CSMD3: variants seen among roughly 807,000 people sequenced by gnomAD.
CSMD3 encodes CUB and sushi domain-containing protein 3.
Under a neutral mutation model 435.2 loss-of-function variants are expected in CSMD3, and 177 were observed. That is an observed-to-expected ratio of 0.41 (90% CI 0.36 to 0.46). The LOEUF is 0.46. Ranked by LOEUF, CSMD3 falls within the 20% of genes least tolerant of loss-of-function variation. CSMD3 has a pLI of 0.34. For synonymous variants in CSMD3, 1,656 were observed against 1,520.5 expected, an observed-to-expected ratio of 1.09 and a Z score of -2.07; for missense variants, 4,265 against 4,504.6, an observed-to-expected ratio of 0.95 and a Z score of 1.52.
intron 5 of CSMD3, among the ~76,000 whole-genome samples, chr8:113,054,200 C>T (rs538794359): frequency 6.6e-6 from 1 of 152,238 alleles, no homozygotes; most frequent in South Asian, 2.1e-4. Context: ...TCTCTTTTCC[C>T]ATTTTCCTTC....
chr8:112,990,499 G>A (rs546917061), intron 6 of CSMD3, among the ~76,000 whole-genome samples: 73 of 151,858 alleles, frequency 4.8e-4, no homozygotes, highest in Admixed American at 1.1e-3. Flanking sequence ...GGTCTTGGGG[G>A]TCAAATTAAT....
intron 3 of CSMD3, among the ~76,000 whole-genome samples, chr8:113,210,785 G>A (rs1355141851): frequency 6.6e-6 from 1 of 151,886 alleles, no homozygotes; most frequent in East Asian, 1.9e-4. Flanking sequence ...GCTGAGGCAG[G>A]AGAATCACTT....
At chr8:112,392,596 G>GAA (rs997518011) in intron 35 of CSMD3, among the ~76,000 whole-genome samples, 4 of 146,486 alleles carry the variant, frequency 2.7e-5, no homozygotes, top group African/African-American at 1.0e-4. Flanking sequence ...TCCTGCTGAT[G>GAA]AAAAAAAAAT....
Position 112,625,066 on chromosome 8 carries a change from A to C in CSMD3, c.3715+11751T>G, listed in dbSNP as rs28439553. 3.0e-3 allele frequency among the ~76,000 whole-genome samples: 464 copies of C among 152,210 alleles called. 4 individuals are homozygous for C. The highest frequency in any genetic ancestry group is 9.7e-3 in the African/African-American group (405 of 41,576). ...AAAAAAAAGAAAAGAAAACATAGTA[A>C]AGTCAGTGATGATATCCTTGAAATT... On this transcript the variant is annotated intron_variant, in intron 22 of 70. Transcript: ENST00000297405.
At chr8:112,292,918 A>C (rs1819915936) in intron 54 of CSMD3, among the ~76,000 whole-genome samples, 1 of 152,162 alleles carries the variant, frequency 6.6e-6, no homozygotes, top group African/African-American at 2.4e-5. Flanking sequence ...TTATATTAGT[A>C]AATAGAAAAT....
intron 13 of CSMD3, among the ~76,000 whole-genome samples, chr8:112,759,317 G>A (rs918129139): frequency 6.6e-6 from 1 of 152,010 alleles, no homozygotes; most frequent in Admixed American, 6.6e-5. Context: ...CTGTACTATA[G>A]AAGAGTTAGT....
At chr8:113,002,687 C>T (rs1414505733) in intron 6 of CSMD3, among the ~76,000 whole-genome samples, 1 of 152,040 alleles carries the variant, frequency 6.6e-6, no homozygotes, top group African/African-American at 2.4e-5. Flanking sequence ...CTTAATGTGA[C>T]TAGGTTATAA....
intron 1 of CSMD3, among the ~76,000 whole-genome samples, chr8:113,394,864 T>G (rs1244798319): frequency 1.3e-5 from 2 of 152,184 alleles, no homozygotes; most frequent in African/African-American, 2.4e-5. Flanking sequence ...GGAAGGATTT[T>G]GGGGAGGTTT....
chr8:113,239,266 G>T (rs1360833037), intron 3 of CSMD3, among the ~76,000 whole-genome samples: 1 of 151,968 alleles, frequency 6.6e-6, no homozygotes, highest in Non-Finnish European at 1.5e-5. Flanking sequence ...GGATTTGTTA[G>T]CCTCCATAAT....
At chr8:112,639,464 T>A (rs117058425) in intron 20 of CSMD3, among the ~76,000 whole-genome samples, 3 of 152,160 alleles carry the variant, frequency 2.0e-5, no homozygotes, top group Non-Finnish European at 4.4e-5. Flanking sequence ...AAAAAATGTA[T>A]ATATAAGTGT....
At chr8:113,341,001 T>G (rs2094115045) in intron 1 of CSMD3, among the ~76,000 whole-genome samples, 1 of 152,288 alleles carries the variant, frequency 6.6e-6, no homozygotes, top group South Asian at 2.1e-4. Context: ...CCTCTTAGGA[T>G]CCTCTTCAAC....
intron 4 of CSMD3, among the ~76,000 whole-genome samples, chr8:113,109,598 C>T (rs778644946): frequency 7.9e-5 from 12 of 152,168 alleles, no homozygotes; most frequent in Non-Finnish European, 1.6e-4. Context: ...GTTTACCCTC[C>T]AGGGACTGAG....
intron 6 of CSMD3, among the ~76,000 whole-genome samples, chr8:112,992,711 A>G (rs1317632649): frequency 6.6e-6 from 1 of 151,854 alleles, no homozygotes; most frequent in Non-Finnish European, 1.5e-5. Flanking sequence ...ATTTATTCTA[A>G]GTCAGCAATG....
At chr8:112,598,555 C>A (rs895256139) in intron 22 of CSMD3, among the ~76,000 whole-genome samples, 1 of 150,644 alleles carries the variant, frequency 6.6e-6, no homozygotes. Context: ...GAGCCCACAT[C>A]GCCAAGGCAA....
intron 5 of CSMD3, among the ~76,000 whole-genome samples, chr8:113,057,953 G>C (rs767026191): frequency 1.3e-5 from 2 of 151,628 alleles, no homozygotes; most frequent in Non-Finnish European, 3.0e-5. Context: ...TAGAAATTAT[G>C]CAAACATTTT....
chr8:112,521,926 AAT>A lies in CSMD3; in HGVS notation c.4565-4703_4565-4702del, dbSNP rs368570095. ...TAATTTATTATAATAACCATATAAAAATATGTTTTAGAAATTGTTCAAAATAG... is the reference window on the plus strand; with the variant it reads ...TAATTTATTATAATAACCATATAAAAATGTTTTAGAAATTGTTCAAAATAG... On this transcript the variant is annotated intron_variant, in intron 27 of 70. Coordinates refer to ENST00000297405, the MANE Select transcript of CSMD3 (RefSeq NM_198123.2). Among the ~76,000 whole-genome samples the A allele has an allele frequency of 3.2e-3, 486 of 151,972 alleles. 2 individuals are homozygous for A. The highest frequency in any genetic ancestry group is 0.017 in the Middle Eastern group (5 of 294).
intron 3 of CSMD3, among the ~76,000 whole-genome samples, chr8:113,178,083 A>T (rs1223648542): frequency 6.6e-6 from 1 of 151,972 alleles, no homozygotes; most frequent in Non-Finnish European, 1.5e-5. Context: ...TATGATATGT[A>T]CTAGTTAATA....
At chr8:113,347,747 A>G (rs2132887000) in intron 1 of CSMD3, among the ~76,000 whole-genome samples, 1 of 152,282 alleles carries the variant, frequency 6.6e-6, no homozygotes, top group Middle Eastern at 3.4e-3. Flanking sequence ...GCAAGAAGAT[A>G]TATTTGAGAC....
intron 30 of CSMD3, among the ~76,000 whole-genome samples, chr8:112,499,859 C>T (rs908088196): frequency 3.9e-5 from 6 of 151,970 alleles, no homozygotes; most frequent in African/African-American, 1.5e-4. Context: ...TGGCTTACGC[C>T]TGTAATCCCA....
Sources: allele counts gnomAD v4.1 joint callset (sites outside exome capture counted in the v4.1 genomes callset), GRCh38; gene constraint gnomAD v4.1.1; transcripts MANE v1.5; gene names NCBI Gene and HGNC (gene_info 2026-07-23, HGNC 2026-07-21).